The following SERPING1 variants were observed in gnomAD, a reference collection of about 807,000 sequenced individuals.
SERPING1 encodes plasma protease C1 inhibitor.
A neutral mutation model predicts 34.1 loss-of-function variants in SERPING1; 5 were observed. The observed-to-expected ratio is 0.15, with a 90% CI of 0.08 to 0.31. The LOEUF (loss-of-function observed/expected upper bound fraction) is 0.31. Ranked by LOEUF, SERPING1 falls within the 10% of genes least tolerant of loss-of-function variation. SERPING1 has a pLI of 1.00. For missense variants in SERPING1, 505 were observed against 609.5 expected, an observed-to-expected ratio of 0.83 and a Z score of 1.81; for synonymous variants, 225 against 242.4, an observed-to-expected ratio of 0.93 and a Z score of 0.67.
chr11:57,610,281 T>C lies in SERPING1; in HGVS notation c.1030-1436T>C, dbSNP rs138906450. On this transcript the variant is annotated intron_variant, in intron 6 of 7. Transcript: ENST00000278407. Reference sequence around the variant, plus strand: ...AAATCTTCCTGGCACTTAAGGATATTTACCCAAGGAAGGGGGTGAGATTTA... The same window carrying C: ...AAATCTTCCTGGCACTTAAGGATATCTACCCAAGGAAGGGGGTGAGATTTA... 5.2e-3 allele frequency among the ~76,000 whole-genome samples: 796 copies of C among 152,336 alleles called. 9 individuals carry two copies. Among genetic ancestry groups the C allele is most frequent in the Non-Finnish European group, 9.2e-3 (627 of 68,040 alleles).
intron 6 of SERPING1, among the ~76,000 whole-genome samples, chr11:57,610,293 G>T (rs1446871567): frequency 6.6e-6 from 1 of 152,176 alleles, no homozygotes; most frequent in Non-Finnish European, 1.5e-5. Flanking sequence ...ACCCAAGGAA[G>T]GGGGTGAGAT....
intron 4 of SERPING1, among the ~76,000 whole-genome samples, 193 bp downstream of exon 4, chr11:57,602,362 C>A (rs139804937): frequency 1.1e-3 from 173 of 152,360 alleles, no homozygotes; most frequent in African/African-American, 3.9e-3. Context: ...TCTAATGAGA[C>A]CTTAGACAAG....
At chr11:57,602,011 T>A in intron 3 of SERPING1, 24 bp from the exon 4 acceptor site, 1 of 1,614,094 alleles carries the variant, frequency 6.2e-7, no homozygotes, top group South Asian at 1.1e-5. Flanking sequence ...TGCAAGTATC[T>A]TTCATCTCTG....
chr11:57,606,301 A>T, intron 5 of SERPING1, 88 bp downstream of exon 5: 1 of 1,597,654 alleles, frequency 6.3e-7, no homozygotes, highest in Non-Finnish European at 8.6e-7. Flanking sequence ...CAAGTTCTAC[A>T]ATCGGATCTC....
Position 57,602,185 on chromosome 11 carries a change from T to C in SERPING1, c.685+16T>C. 6.2e-7 allele frequency: 1 copy of C among 1,614,046 alleles called. No individual in the cohort carries two copies. Among genetic ancestry groups the C allele is most frequent in the Non-Finnish European group, 8.5e-7 (1 of 1,179,980 alleles). Reference sequence around the variant, plus strand: ...CACAGCCCAGGTGAGTGCCCAGGAATGGGCAGTGTCTGCAGAGGAGGGTCC... The same window carrying C: ...CACAGCCCAGGTGAGTGCCCAGGAACGGGCAGTGTCTGCAGAGGAGGGTCC... On this transcript the variant is annotated intron_variant, in intron 4 of 7. Coordinates refer to ENST00000278407, the MANE Select transcript of SERPING1 (RefSeq NM_000062.3).
At chr11:57,602,283 G>C in intron 4 of SERPING1, 114 bp downstream of exon 4, 1 of 1,269,166 alleles carries the variant, frequency 7.9e-7, no homozygotes, top group Non-Finnish European at 1.1e-6. Flanking sequence ...TACAGTATCA[G>C]GGATGGACTG....
At chr11:57,603,068 A>G (rs898762894) in intron 4 of SERPING1, among the ~76,000 whole-genome samples, 2 of 151,866 alleles carry the variant, frequency 1.3e-5, no homozygotes, top group African/African-American at 4.8e-5. Context: ...CCCTGTCTCT[A>G]TTAAAAACAC....
chr11:57,614,846 T>C lies in SERPING1; in HGVS notation c.*265T>C, dbSNP rs1231489170. Reference sequence around the variant, plus strand: ...TCTATAAATAAAACCTGACAGACCATGACTTTCTCTGCTTTGCCTTTGTTT... The same window carrying C: ...TCTATAAATAAAACCTGACAGACCACGACTTTCTCTGCTTTGCCTTTGTTT... On this transcript the variant is annotated 3_prime_UTR_variant, in exon 8 of 8. Transcript: ENST00000278407. The C allele has an allele frequency of 2.1e-6, 1 of 471,236 alleles. No individual in the cohort carries two copies. Among genetic ancestry groups the C allele is most frequent in the African/African-American group, 2.0e-5 (1 of 51,084 alleles). 29.2% of individuals were successfully genotyped at this position (471,236 alleles called of 1,614,324 possible).
intron 2 of SERPING1, among the ~76,000 whole-genome samples, chr11:57,598,927 ATGTGCGTG>A (rs1945317050): frequency 7.9e-6 from 1 of 126,458 alleles, no homozygotes; most frequent in South Asian, 2.7e-4. Context: ...GGGTGTGTGT[ATGTGCGTG>A]TGTGTGTGTG....
intron 3 of SERPING1, among the ~76,000 whole-genome samples, chr11:57,601,312 A>G (rs998246731): frequency 1.3e-5 from 2 of 151,752 alleles, no homozygotes; most frequent in Non-Finnish European, 2.9e-5. Flanking sequence ...GAGGCAGGAG[A>G]ATCACTTGAA....
intron 4 of SERPING1, among the ~76,000 whole-genome samples, chr11:57,605,042 A>G (rs1945393286): frequency 6.6e-6 from 1 of 152,008 alleles, no homozygotes. Context: ...AAACTCACCT[A>G]TCACCCCATC....
At chr11:57,611,582 G>A in intron 6 of SERPING1, 135 bp from the exon 7 acceptor site, 1 of 870,000 alleles carries the variant, frequency 1.1e-6, no homozygotes, top group South Asian at 1.4e-5. Flanking sequence ...GGTAAAGCCT[G>A]GAAGCTTAGG....
At chr11:57,598,031 G>C in intron 1 of SERPING1, 1 of 557,358 alleles carries the variant, frequency 1.8e-6, no homozygotes, top group South Asian at 2.5e-5. Flanking sequence ...CCGGGCCCAC[G>C]GGGAGAGGAA....
Position 57,614,378 on chromosome 11 carries a change from C to G in SERPING1, c.1300C>G (p.Pro434Ala). Reference protein sequence around the residue: ...DLNLCGLTEDPDLQVSAMQHQ... With the variant: ...DLNLCGLTEDADLQVSAMQHQ... Reference sequence around the variant, plus strand: ...TAACCTGTGTGGGCTGACAGAGGACCCAGATCTTCAGGTTTCTGCGATGCA... The same window carrying G: ...TAACCTGTGTGGGCTGACAGAGGACGCAGATCTTCAGGTTTCTGCGATGCA... The change falls in exon 8 of 8, where the codon CCA (proline) becomes GCA (alanine). Residue 434 changes from proline (P) to alanine (A), a missense_variant. Coordinates refer to ENST00000278407, the MANE Select transcript of SERPING1 (RefSeq NM_000062.3). 6.2e-7 allele frequency: 1 copy of G among 1,614,046 alleles called. No individual in the cohort carries two copies. The highest frequency in any genetic ancestry group is 8.5e-7 in the Non-Finnish European group (1 of 1,180,006).
At chr11:57,610,576 T>G (rs1945466835) in intron 6 of SERPING1, among the ~76,000 whole-genome samples, 2 of 152,244 alleles carry the variant, frequency 1.3e-5, no homozygotes, top group Admixed American at 1.3e-4. Flanking sequence ...AATTCTGCAT[T>G]CTTCTAGATT....
At chr11:57,607,358 C>T (rs1945421984) in intron 6 of SERPING1, among the ~76,000 whole-genome samples, 1 of 152,190 alleles carries the variant, frequency 6.6e-6, no homozygotes, top group Admixed American at 6.5e-5. Flanking sequence ...GAAGTCTTCT[C>T]CCCATTAAAG....
intron 4 of SERPING1, among the ~76,000 whole-genome samples, chr11:57,605,302 CTT>C (rs879509470): frequency 4.8e-5 from 7 of 144,462 alleles, no homozygotes; most frequent in Non-Finnish European, 6.1e-5. Flanking sequence ...GGGAAAATAT[CTT>C]TTTTTTTTTT....
chr11:57,601,454 T>G lies in SERPING1; in HGVS notation c.551-581T>G, dbSNP rs1348495699. On this transcript the variant is annotated intron_variant, in intron 3 of 7. Coordinates refer to ENST00000278407, the MANE Select transcript of SERPING1 (RefSeq NM_000062.3). The stretch of plus-strand genomic sequence containing the variant: ...CTGACTTAGTGGGAGGTCAAAAAAA[T>G]GTAAATCCTCTGCCATCTTGAGGGA... Among the ~76,000 whole-genome samples the G allele has an allele frequency of 2.0e-5, 3 of 149,558 alleles. No individual in the cohort carries two copies. In the East Asian group the frequency reaches 6.0e-4, roughly 30 times the overall value.
Position 57,612,070 on chromosome 11 carries a change from A to G in SERPING1, c.1249+134A>G. On this transcript the variant is annotated intron_variant, in intron 7 of 7. Transcript: ENST00000278407. ...TTTGTCCTGCAACCCTGCAAGTTAGAGGGGTAGGTGCTATTATCCCATTGG... is the reference window on the plus strand; with the variant it reads ...TTTGTCCTGCAACCCTGCAAGTTAGGGGGGTAGGTGCTATTATCCCATTGG... 22 of 785,308 alleles carry G rather than the reference A, an allele frequency of 2.8e-5. No individual in the cohort carries two copies. The South Asian group carries it at 3.0e-4, about 11-fold the overall frequency. The allele number at this position is 785,308 out of a possible 1,614,324, so 48.6% of individuals were successfully genotyped here.
Sources: allele counts gnomAD v4.1 joint callset (sites outside exome capture counted in the v4.1 genomes callset), GRCh38; gene constraint gnomAD v4.1.1; transcripts MANE v1.5; gene names NCBI Gene and HGNC (gene_info 2026-07-23, HGNC 2026-07-21).